The following TBL1XR1 variants were observed in gnomAD, a reference collection of about 807,000 sequenced individuals.
The protein encoded by TBL1XR1 is TBL1X/Y related 1.
A neutral mutation model predicts 66.9 loss-of-function variants in TBL1XR1; 5 were observed. The ratio of observed to expected loss-of-function variants is 0.07; its 90% CI spans 0.04 to 0.16. The LOEUF is 0.16. TBL1XR1 is among the 10% of genes least tolerant of loss of function. The probability of loss-of-function intolerance (pLI) is 1.00; values close to 1 mark genes in which losing one functional copy is unlikely to be tolerated. For missense variants in TBL1XR1, 238 were observed against 623.2 expected, an observed-to-expected ratio of 0.38 and a Z score of 6.58; for synonymous variants, 210 against 206.0, an observed-to-expected ratio of 1.02 and a Z score of -0.17.
chr3:177,144,698 C>A lies in TBL1XR1; in HGVS notation c.-121-46157G>T, dbSNP rs146251586. 5.2e-3 allele frequency among the ~76,000 whole-genome samples: 785 copies of A among 150,684 alleles called. 24 individuals carry two copies. The East Asian group carries it at 0.054, about 10-fold the overall frequency. ...AACCCAGGAGGCGGAGCTTGCAGTGCGCCGAGATTGCACCACTGCACTCCA... is the reference window on the plus strand; with the variant it reads ...AACCCAGGAGGCGGAGCTTGCAGTGAGCCGAGATTGCACCACTGCACTCCA... On this transcript the variant is annotated intron_variant, in intron 1 of 15. Coordinates refer to ENST00000457928, the MANE Select transcript of TBL1XR1 (RefSeq NM_024665.7).
intron 1 of TBL1XR1, among the ~76,000 whole-genome samples, chr3:177,178,943 C>A (rs1293169792): frequency 6.6e-6 from 1 of 151,896 alleles, no homozygotes; most frequent in Admixed American, 6.6e-5. Flanking sequence ...CACGGTGAAA[C>A]CCCGTTCTAC....
intron 1 of TBL1XR1, among the ~76,000 whole-genome samples, chr3:177,139,245 G>C (rs1729348782): frequency 6.6e-6 from 1 of 152,222 alleles, no homozygotes; most frequent in African/African-American, 2.4e-5. Context: ...GCACTGGCCG[G>C]GTGTGGTGGC....
intron 1 of TBL1XR1, among the ~76,000 whole-genome samples, chr3:177,187,815 A>T (rs963678350): frequency 6.6e-5 from 10 of 151,978 alleles, no homozygotes; most frequent in Non-Finnish European, 1.2e-4. Context: ...AAAATACCGA[A>T]GATATCAAAT....
intron 10 of TBL1XR1, among the ~76,000 whole-genome samples, chr3:177,039,760 T>G (rs569827841): frequency 6.6e-6 from 1 of 152,204 alleles, no homozygotes; most frequent in Non-Finnish European, 1.5e-5. Flanking sequence ...GAATGGCTTT[T>G]ATAGTGCAAT....
At position 177,056,312 on chromosome 3, in the gene TBL1XR1, A is replaced by G. The variant is rs1319034206; in HGVS notation, c.59-2394T>C. On this transcript the variant is annotated intron_variant, in intron 3 of 15. Coordinates refer to ENST00000457928, the MANE Select transcript of TBL1XR1 (RefSeq NM_024665.7). ...ATTAGCTTATAGAGTTTAAGTTTAAAGTAATAATATGTCCAAGAATAGTCT... is the reference window on the plus strand; with the variant it reads ...ATTAGCTTATAGAGTTTAAGTTTAAGGTAATAATATGTCCAAGAATAGTCT... Among the ~76,000 whole-genome samples, 3 of 152,242 alleles carry G rather than the reference A, an allele frequency of 2.0e-5. No individual in the cohort carries two copies. In the East Asian group the frequency reaches 5.8e-4, roughly 29 times the overall value.
chr3:177,063,059 G>A (rs753003039), intron 3 of TBL1XR1, among the ~76,000 whole-genome samples: 14 of 151,674 alleles, frequency 9.2e-5, no homozygotes, highest in African/African-American at 1.7e-4. Context: ...GCTTGAACCC[G>A]CCGCCGAGAT....
At chr3:177,054,021 CCA>C in intron 3 of TBL1XR1, 103 bp from the exon 4 acceptor site, 1 of 1,276,694 alleles carries the variant, frequency 7.8e-7, no homozygotes, top group East Asian at 2.4e-5. Context: ...CCCATCCTAC[CCA>C]TTTAAAATCC....
At chr3:177,043,962 T>TAAGA (rs1173992995) in intron 10 of TBL1XR1, among the ~76,000 whole-genome samples, 1 of 152,166 alleles carries the variant, frequency 6.6e-6, no homozygotes, top group Non-Finnish European at 1.5e-5. Flanking sequence ...TTCCCTCCCC[T>TAAGA]ACCTTTTTAC....
intron 10 of TBL1XR1, among the ~76,000 whole-genome samples, chr3:177,039,786 C>G (rs1715319442): frequency 6.6e-6 from 1 of 152,038 alleles, no homozygotes; most frequent in Non-Finnish European, 1.5e-5. Context: ...AGGAGGGGAT[C>G]AAAGGAAGAC....
intron 2 of TBL1XR1, among the ~76,000 whole-genome samples, chr3:177,089,739 AT>A (rs1722593500): frequency 6.6e-6 from 1 of 152,250 alleles, no homozygotes; most frequent in East Asian, 1.9e-4. Context: ...ACAAGAGGAA[AT>A]AGAAGGGCTC....
At chr3:177,087,995 C>G (rs1246984310) in intron 2 of TBL1XR1, among the ~76,000 whole-genome samples, 1 of 152,078 alleles carries the variant, frequency 6.6e-6, no homozygotes, top group Admixed American at 6.6e-5. Flanking sequence ...AAACATCTAT[C>G]CCTCTATTGT....
intron 1 of TBL1XR1, among the ~76,000 whole-genome samples, chr3:177,164,351 T>A (rs1046872722): frequency 2.9e-5 from 3 of 103,652 alleles, no homozygotes; most frequent in African/African-American, 1.0e-4. Flanking sequence ...CTATTTTCAA[T>A]TTTTTTTTTT....
At chr3:177,110,825 A>G (rs1257911104) in intron 1 of TBL1XR1, 1 of 152,210 alleles carries the variant, frequency 6.6e-6, no homozygotes, top group Non-Finnish European at 1.5e-5. Context: ...TTCATGAGAG[A>G]AAAGAAGCCG....
In TBL1XR1 at chr3:177,141,640, T is replaced by C. The variant is rs546692918; in HGVS notation, c.-121-43099A>G. ...GAACTTTCAACATATCACTTTACAGTGTACATCTGTTCCATCTGGTTGGTT... is the reference window on the plus strand; with the variant it reads ...GAACTTTCAACATATCACTTTACAGCGTACATCTGTTCCATCTGGTTGGTT... On this transcript the variant is annotated intron_variant, in intron 1 of 15. Transcript: ENST00000457928. 2.6e-4 allele frequency among the ~76,000 whole-genome samples: 39 copies of C among 152,362 alleles called. 1 individual carries two copies. The highest frequency in any genetic ancestry group is 4.9e-4 in the Non-Finnish European group (33 of 68,028).
intron 1 of TBL1XR1, chr3:177,194,128 C>T (rs555607504): frequency 1.3e-5 from 2 of 152,314 alleles, no homozygotes; most frequent in South Asian, 4.2e-4. Context: ...AGAGTCTTTT[C>T]TTTTTAACTT....
chr3:177,181,822 GAAAAAAA>G (rs199618348), intron 1 of TBL1XR1, among the ~76,000 whole-genome samples: 178 of 86,616 alleles, frequency 2.1e-3, no homozygotes, highest in African/African-American at 5.9e-3. Context: ...TTCAAGTTAG[GAAAAAAA>G]AAAAAAAACA....
chr3:177,119,096 C>T (rs144549160), intron 1 of TBL1XR1, among the ~76,000 whole-genome samples: 114 of 152,208 alleles, frequency 7.5e-4, no homozygotes, highest in African/African-American at 2.6e-3. Flanking sequence ...CTCAGCATCA[C>T]GGGTAGCTGG....
chr3:177,091,600 G>A (rs1722851049), intron 2 of TBL1XR1, among the ~76,000 whole-genome samples: 1 of 152,080 alleles, frequency 6.6e-6, no homozygotes, highest in African/African-American at 2.4e-5. Flanking sequence ...AAGTCAACTT[G>A]AAAAGGCTCT....
At chr3:177,026,945 T>C (rs1294916562) in intron 14 of TBL1XR1, 1 of 153,142 alleles carries the variant, frequency 6.5e-6, no homozygotes, top group African/African-American at 2.4e-5. Flanking sequence ...ACTCTATATT[T>C]ACTGACCAGT....
Sources: gnomAD v4.1 joint callset for allele counts (sites outside exome capture counted in the v4.1 genomes callset) on GRCh38, gnomAD v4.1.1 for gene constraint, MANE v1.5 for transcripts, NCBI Gene and HGNC (gene_info 2026-07-23, HGNC 2026-07-21) for gene names.